SNX29: variants seen among roughly 807,000 people sequenced by gnomAD.
SNX29 encodes sorting nexin-29.
SNX29 carries 78 observed loss-of-function variants against 102.1 expected under a neutral mutation model. The ratio of observed to expected loss-of-function variants is 0.76; its 90% confidence interval spans 0.64 to 0.92. SNX29 has a LOEUF of 0.92. Ranked by LOEUF, SNX29 falls within the 40% of genes least tolerant of loss-of-function variation. The pLI, the probability that SNX29 is intolerant of heterozygous loss-of-function variation, is 0.00. For missense variants in SNX29, 1,280 were observed against 1,061.7 expected (o/e 1.21, Z -2.86); for synonymous variants, 580 against 414.5 (o/e 1.40, Z -4.85).
Position 12,052,193 on chromosome 16 carries a change from G to T in SNX29, c.1095G>T (p.Lys365Asn). The change falls in exon 8 of 21, where the codon AAG becomes AAT. Residue 365 changes from lysine (K) to asparagine (N), a missense_variant. By Grantham distance (94) the Lys-to-Asn change is moderately conservative. Coordinates refer to ENST00000566228, the MANE Select transcript of SNX29 (RefSeq NM_032167.5). ...TGTATGGAAACTCATCAGGAAGGAAGCACAGGGGCCACTCGGAGTCGCCCG... is the reference window on the plus strand; with the variant it reads ...TGTATGGAAACTCATCAGGAAGGAATCACAGGGGCCACTCGGAGTCGCCCG... ...DDVYGNSSGRKHRGHSESPEK... is the reference protein window; with the variant it reads ...DDVYGNSSGRNHRGHSESPEK... The T allele has an allele frequency of 6.2e-7, 1 of 1,613,928 alleles. No individual in the cohort carries two copies. The highest frequency in any genetic ancestry group is 8.5e-7 in the Non-Finnish European group (1 of 1,179,852).
Position 12,568,797 on chromosome 16 carries a change from C to G in SNX29, c.*168C>G, listed in dbSNP as rs866970838. ...CACCCCGATTAAACTAATCAGTCTT[C>G]GAGCCGCATGATACCGTGACCCGAG... On this transcript the variant is annotated 3_prime_UTR_variant, in exon 21 of 21. Coordinates refer to ENST00000566228, the MANE Select transcript of SNX29 (RefSeq NM_032167.5). 9.2e-6 allele frequency: 10 copies of G among 1,089,328 alleles called. No individual in the cohort carries two copies. The highest frequency in any genetic ancestry group is 1.3e-5 in the Non-Finnish European group (10 of 781,444). The allele number at this position is 1,089,328 out of a possible 1,614,324, so 67.5% of individuals were successfully genotyped here.
intron 11 of SNX29, among the ~76,000 whole-genome samples, chr16:12,097,578 T>G (rs1477959440): frequency 6.6e-6 from 1 of 152,104 alleles, no homozygotes; most frequent in Non-Finnish European, 1.5e-5. Flanking sequence ...TTTGTTCATT[T>G]TATTTGAGGT....
intron 14 of SNX29, among the ~76,000 whole-genome samples, chr16:12,215,688 CG>C (rs2077305732): frequency 1.3e-5 from 2 of 152,206 alleles, no homozygotes; most frequent in African/African-American, 4.8e-5. Context: ...ATTTGAGGTA[CG>C]TGCTGTACCC....
At chr16:12,150,571 T>C (rs2055255246) in intron 13 of SNX29, among the ~76,000 whole-genome samples, 1 of 152,226 alleles carries the variant, frequency 6.6e-6, no homozygotes, top group Non-Finnish European at 1.5e-5. Flanking sequence ...GCATCACAGC[T>C]TTAACAACCT....
intron 3 of SNX29, among the ~76,000 whole-genome samples, chr16:12,019,269 A>G (rs866204784): frequency 2.6e-4 from 40 of 151,702 alleles, no homozygotes; most frequent in Admixed American, 6.6e-4. Flanking sequence ...GTGCAGTGGC[A>G]CTATCTCGGC....
chr16:12,111,098 C>A (rs2053485216), intron 11 of SNX29, among the ~76,000 whole-genome samples: 1 of 152,140 alleles, frequency 6.6e-6, no homozygotes, highest in Admixed American at 6.5e-5. Context: ...ACGTGTGGGC[C>A]AGAAAGCAGT....
chr16:12,163,865 G>A (rs2055897810), intron 13 of SNX29, among the ~76,000 whole-genome samples: 1 of 152,188 alleles, frequency 6.6e-6, no homozygotes, highest in African/African-American at 2.4e-5. Flanking sequence ...GGATGAGCAG[G>A]TGTAGGTGAG....
chr16:12,205,568 C>G (rs1396956930), intron 14 of SNX29, among the ~76,000 whole-genome samples: 1 of 152,164 alleles, frequency 6.6e-6, no homozygotes, highest in African/African-American at 2.4e-5. Context: ...CTGCCTCAGG[C>G]TCTTTGCACG....
At chr16:12,230,542 C>G (rs1036923192) in intron 14 of SNX29, among the ~76,000 whole-genome samples, 3 of 152,166 alleles carry the variant, frequency 2.0e-5, no homozygotes, top group Non-Finnish European at 4.4e-5. Flanking sequence ...CTGGAAGGGC[C>G]TGTTCAACAT....
rs375165978 is a variant in SNX29 at position 12,390,929 on chromosome 16, A to C, written c.1900-7517A>C. 6.6e-5 allele frequency among the ~76,000 whole-genome samples: 10 copies of C among 152,094 alleles called. No homozygotes were observed. The East Asian group carries it at 1.9e-3, about 29-fold the overall frequency. ...AAAAACACTTACTTAGAATGAGGAAATAAATCGCAACAAATTGTCTTTATT... is the reference window on the plus strand; with the variant it reads ...AAAAACACTTACTTAGAATGAGGAACTAAATCGCAACAAATTGTCTTTATT... On this transcript the variant is annotated intron_variant, in intron 16 of 20. Coordinates refer to ENST00000566228, the MANE Select transcript of SNX29 (RefSeq NM_032167.5).
intron 18 of SNX29, among the ~76,000 whole-genome samples, chr16:12,431,638 T>A (rs185664618): frequency 3.3e-5 from 5 of 152,262 alleles, no homozygotes; most frequent in African/African-American, 1.2e-4. Flanking sequence ...CCATCTGTGT[T>A]ACGTAAAGTG....
intron 16 of SNX29, chr16:12,374,670 C>A (rs1334139252): frequency 6.6e-6 from 1 of 152,160 alleles, no homozygotes; most frequent in Non-Finnish European, 1.5e-5. Flanking sequence ...GTGCCGTCGG[C>A]CACTGGGAAG....
intron 13 of SNX29, among the ~76,000 whole-genome samples, chr16:12,187,148 A>G (rs80324031): frequency 0.015 from 2,306 of 152,352 alleles, 45 homozygotes; most frequent in African/African-American, 0.052. Flanking sequence ...GACAATGGGC[A>G]CACATTCTCT....
In SNX29 at chr16:12,571,179, G is replaced by C. The variant is rs1438483394; in HGVS notation, c.*2550G>C. On this transcript the variant is annotated 3_prime_UTR_variant, in exon 21 of 21. Transcript: ENST00000566228. ...AGAATCCCGTCCTGCTCTCTAGTGT[G>C]GTGGGATGAACTTCAGGCAACAAAC... 4.3e-6 allele frequency: 1 copy of C among 232,370 alleles called. No homozygotes were observed. Among genetic ancestry groups the C allele is most frequent in the Non-Finnish European group, 8.5e-6 (1 of 117,572 alleles). 14.4% of individuals were successfully genotyped at this position (232,370 alleles called of 1,614,324 possible). A position where few individuals can be genotyped will look rare whatever the true frequency, so the allele number is the denominator to read the frequency against.
chr16:12,262,586 G>C (rs2078808866), intron 14 of SNX29, among the ~76,000 whole-genome samples: 1 of 152,204 alleles, frequency 6.6e-6, no homozygotes, highest in South Asian at 2.1e-4. Flanking sequence ...TGAGAGCGCA[G>C]GCCTGTCGCG....
At chr16:12,217,664 CT>C (rs2077361196) in intron 14 of SNX29, among the ~76,000 whole-genome samples, 1 of 152,158 alleles carries the variant, frequency 6.6e-6, no homozygotes, top group African/African-American at 2.4e-5. Context: ...CTTATTTCCC[CT>C]GTAAATCTAG....
At chr16:11,987,114 G>T (rs922801860) in intron 1 of SNX29, among the ~76,000 whole-genome samples, 3 of 152,132 alleles carry the variant, frequency 2.0e-5, no homozygotes, top group Non-Finnish European at 4.4e-5. Context: ...ACCCAGGCTG[G>T]AGTGCAGTGG....
chr16:12,363,623 G>A (rs1203775846), intron 16 of SNX29, among the ~76,000 whole-genome samples: 1 of 152,220 alleles, frequency 6.6e-6, no homozygotes, highest in Non-Finnish European at 1.5e-5. Flanking sequence ...CCAGCATGTA[G>A]TAGGTGCTCA....
chr16:12,055,193 T>C (rs892333287), intron 8 of SNX29, among the ~76,000 whole-genome samples: 5 of 151,940 alleles, frequency 3.3e-5, no homozygotes, highest in African/African-American at 4.8e-5. Context: ...TCTGTACCTC[T>C]AACTCCATTT....
Sources: gnomAD v4.1 joint callset for allele counts (sites outside exome capture counted in the v4.1 genomes callset) on GRCh38, gnomAD v4.1.1 for gene constraint, MANE v1.5 for transcripts, NCBI Gene and HGNC (gene_info 2026-07-23, HGNC 2026-07-21) for gene names.